OSBPL2: variants seen among roughly 807,000 people sequenced by gnomAD.
OSBPL2 encodes the protein oxysterol binding protein like 2, also known as oxysterol-binding protein-related protein 2.
In OSBPL2, 18 loss-of-function variants were observed where a neutral mutation model predicts 58.4. The ratio of observed to expected loss-of-function variants is 0.31; its 90% CI spans 0.21 to 0.46. The LOEUF (loss-of-function observed/expected upper bound fraction) is 0.46, where lower values mean the gene tolerates loss of function less well. OSBPL2 is among the 20% of genes least tolerant of loss of function. The probability of loss-of-function intolerance (pLI) is 1.00; values close to 1 mark genes in which losing one functional copy is unlikely to be tolerated. For missense variants in OSBPL2, 461 were observed against 616.5 expected, an observed-to-expected ratio of 0.75 and a Z score of 2.67; for synonymous variants, 221 against 234.1, an observed-to-expected ratio of 0.94 and a Z score of 0.51.
intron 12 of OSBPL2, among the ~76,000 whole-genome samples, chr20:62,290,742 T>C (rs1483501468): frequency 1.3e-5 from 2 of 149,048 alleles, no homozygotes; most frequent in African/African-American, 5.0e-5. Context: ...TTGTTTTTTT[T>C]GTTTTTTTTT....
intron 3 of OSBPL2, among the ~76,000 whole-genome samples, 183 bp downstream of exon 3, chr20:62,260,308 C>T (rs1159741410): frequency 1.3e-5 from 2 of 152,200 alleles, no homozygotes; most frequent in African/African-American, 4.8e-5. Context: ...CTCCATGCCT[C>T]TCTTGGCTCC....
intron 6 of OSBPL2, 92 bp from the exon 7 acceptor site, chr20:62,279,065 C>A: frequency 3.7e-6 from 4 of 1,092,364 alleles, no homozygotes; most frequent in Non-Finnish European, 5.3e-6. Context: ...TGCTTCCCAG[C>A]GTCCTGTGAG....
intron 1 of OSBPL2, among the ~76,000 whole-genome samples, chr20:62,241,503 A>T (rs4925358): frequency 4.6e-5 from 7 of 152,282 alleles, no homozygotes. Flanking sequence ...GGAAGCTGCC[A>T]TCTCCTCAAG....
chr20:62,294,062 T>C lies in OSBPL2; in HGVS notation c.*175T>C, dbSNP rs1194926021. ...TAATTAACTGTTGATTGCCAAACAT[T>C]TCACTCTGCTGTGCCGTCTCTTCAT... On this transcript the variant is annotated 3_prime_UTR_variant, in exon 14 of 14. Transcript: ENST00000313733. 3 of 813,576 alleles carry C rather than the reference T, an allele frequency of 3.7e-6. No individual in the cohort carries two copies. Among genetic ancestry groups the C allele is most frequent in the Non-Finnish European group, 5.5e-6 (3 of 540,644 alleles). The allele number at this position is 813,576 out of a possible 1,614,324, so 50.4% of individuals were successfully genotyped here.
Position 62,281,143 on chromosome 20 carries a change from A to T in OSBPL2, c.760A>T (p.Thr254Ser). Residue 254 changes from threonine (T) to serine (S), a missense_variant, in exon 8 of 14, where the codon ACA (threonine) becomes TCA (serine). Thr to Ser is a moderately conservative substitution (Grantham distance 58). This residue lies in a region of OSBPL2 where 319 missense variants were observed against 419.2 expected (regional missense o/e 0.76). Transcript: ENST00000313733. The part of the protein sequence containing the change: ...IGKLWIEQYG[T>S]VEILNHRTGH... Reference sequence around the variant, plus strand: ...GAAGCTGTGGATAGAGCAGTATGGGACAGTGGAGATTTTAAACCACAGGTG... The same window carrying T: ...GAAGCTGTGGATAGAGCAGTATGGGTCAGTGGAGATTTTAAACCACAGGTG... 6.2e-7 allele frequency: 1 copy of T among 1,612,212 alleles called. No individual in the cohort carries two copies. Among genetic ancestry groups the T allele is most frequent in the Non-Finnish European group, 8.5e-7 (1 of 1,178,362 alleles).
Position 62,295,463 on chromosome 20 carries a change from TTCTGGA to T in OSBPL2, c.*1577_*1582del. The T allele has an allele frequency of 6.6e-6, 1 of 152,200 alleles. No homozygotes were observed. The highest frequency in any genetic ancestry group is 1.9e-4 in the East Asian group (1 of 5,192). The allele number at this position is 152,200 out of a possible 1,614,324, so 9.4% of individuals were successfully genotyped here. On this transcript the variant is annotated 3_prime_UTR_variant, in exon 14 of 14. Transcript: ENST00000313733. This position sits in a 1 kb window ranked among gnomAD's most constrained non-coding sequence, Gnocchi z 4.8. Reference sequence around the variant, plus strand: ...CACATCACACCTGTGACGGAAGCACTTCTGGAAGTGAACACTCGTTTTGAAAGCTTG... The same window carrying T: ...CACATCACACCTGTGACGGAAGCACTAGTGAACACTCGTTTTGAAAGCTTG...
intron 11 of OSBPL2, among the ~76,000 whole-genome samples, 168 bp from the exon 12 acceptor site, chr20:62,289,039 G>T (rs980028394): frequency 6.6e-6 from 1 of 152,206 alleles, no homozygotes. Flanking sequence ...GCTTAGTGAA[G>T]ACGGCAGAGG....
At chr20:62,290,730 T>C (rs574218978) in intron 12 of OSBPL2, among the ~76,000 whole-genome samples, 1 of 146,764 alleles carries the variant, frequency 6.8e-6, no homozygotes, top group African/African-American at 2.6e-5. Context: ...AGGTTTTTTT[T>C]TTTGTTTTTT....
Position 62,269,612 on chromosome 20 carries a change from C to T in OSBPL2, c.259-2513C>T, listed in dbSNP as rs995773123. Among the ~76,000 whole-genome samples, 2 of 152,332 alleles carry T rather than the reference C, an allele frequency of 1.3e-5. No homozygotes were observed. The highest frequency in any genetic ancestry group is 2.1e-4 in the South Asian group (1 of 4,832). On this transcript the variant is annotated intron_variant, in intron 4 of 13. Coordinates refer to ENST00000313733, the MANE Select transcript of OSBPL2 (RefSeq NM_144498.4). This position sits in a 1 kb window ranked among gnomAD's most constrained non-coding sequence, Gnocchi z 4.2. ...GGCCTCCCTGGTCCCAATCTCTGGCCGCTGTGGACTGTGGCCTCTTCTAGT... is the reference window on the plus strand; with the variant it reads ...GGCCTCCCTGGTCCCAATCTCTGGCTGCTGTGGACTGTGGCCTCTTCTAGT...
chr20:62,289,191 G>C lies in OSBPL2; in HGVS notation c.1126-16G>C. The C allele has an allele frequency of 6.2e-7, 1 of 1,613,274 alleles. No homozygotes were observed. The highest frequency in any genetic ancestry group is 8.5e-7 in the Non-Finnish European group (1 of 1,179,614). On this transcript the variant is annotated splice_polypyrimidine_tract_variant and intron_variant, in intron 11 of 13. Coordinates refer to ENST00000313733, the MANE Select transcript of OSBPL2 (RefSeq NM_144498.4). ...GAGGCCCTGCTGAGGTCGTGTCTCT[G>C]TGCCTTGCTCCACAGATGTATAATT...
At chr20:62,276,775 A>G (rs547914303) in intron 6 of OSBPL2, among the ~76,000 whole-genome samples, 92 of 152,140 alleles carry the variant, frequency 6.0e-4, no homozygotes, top group South Asian at 2.7e-3. Flanking sequence ...CACGAGAACC[A>G]CTTGTGAGGG....
At chr20:62,293,154 C>T (rs1184539109) in intron 13 of OSBPL2, among the ~76,000 whole-genome samples, 6 of 151,338 alleles carry the variant, frequency 4.0e-5, no homozygotes, top group African/African-American at 1.5e-4. Flanking sequence ...TGAGCCACCG[C>T]GCCCGGCCTG....
At chr20:62,245,594 G>A (rs1375776571) in intron 1 of OSBPL2, among the ~76,000 whole-genome samples, 2 of 152,200 alleles carry the variant, frequency 1.3e-5, no homozygotes, top group Non-Finnish European at 2.9e-5. Flanking sequence ...TTCTGATGCA[G>A]TTGGACTTAA....
rs200859282 is a variant in OSBPL2 at position 62,293,927 on chromosome 20, G to A, written c.*40G>A. 2.3e-4 allele frequency: 364 copies of A among 1,602,956 alleles called. No individual in the cohort carries two copies. Among genetic ancestry groups the A allele is most frequent in the East Asian group, 4.5e-5 (2 of 44,696 alleles). ...CTGGGGCCCGGGACCGGAGGCTGAC[G>A]AGGCTGGACTTCCTCGAGTGGCCAC... On this transcript the variant is annotated 3_prime_UTR_variant, in exon 14 of 14. Coordinates refer to ENST00000313733, the MANE Select transcript of OSBPL2 (RefSeq NM_144498.4).
chr20:62,246,899 T>C (rs1980155404), intron 1 of OSBPL2, among the ~76,000 whole-genome samples: 1 of 152,220 alleles, frequency 6.6e-6, no homozygotes, highest in South Asian at 2.1e-4. Context: ...GTCCTTAAAC[T>C]TTGTGACTCT....
At chr20:62,287,049 C>G (rs927762850) in intron 11 of OSBPL2, among the ~76,000 whole-genome samples, 1 of 152,272 alleles carries the variant, frequency 6.6e-6, no homozygotes, top group East Asian at 1.9e-4. Context: ...GAACATCAGA[C>G]AGACGTGGCC....
chr20:62,278,002 C>A (rs1441903212), intron 6 of OSBPL2, among the ~76,000 whole-genome samples: 1 of 152,134 alleles, frequency 6.6e-6, no homozygotes, highest in African/African-American at 2.4e-5. Flanking sequence ...AATGGGAGTC[C>A]CTCGGGGTTG....
intron 12 of OSBPL2, among the ~76,000 whole-genome samples, 172 bp downstream of exon 12, chr20:62,289,502 C>T (rs906554356): frequency 1.3e-5 from 2 of 152,220 alleles, no homozygotes; most frequent in African/African-American, 2.4e-5. Flanking sequence ...CTTCTCAGAC[C>T]GTCTGTGGTG....
intron 1 of OSBPL2, among the ~76,000 whole-genome samples, 154 bp downstream of exon 1, chr20:62,238,751 C>CCGGCCT (rs1456649565): frequency 1.3e-5 from 2 of 151,182 alleles, no homozygotes; most frequent in African/African-American, 2.4e-5. Context: ...GGCCCCGGCC[C>CCGGCCT]CGGCCTCGAC....
Sources: allele counts gnomAD v4.1 joint callset (sites outside exome capture counted in the v4.1 genomes callset), GRCh38; gene constraint gnomAD v4.1.1; regional missense constraint gnomAD v4.1.1; non-coding constraint Gnocchi (gnomAD v3.1); transcripts MANE v1.5; gene names NCBI Gene and HGNC (gene_info 2026-07-23, HGNC 2026-07-21).